MGST1: variants seen among roughly 807,000 people sequenced by gnomAD.
MGST1 encodes the protein microsomal glutathione S-transferase 1.
In MGST1, 5 loss-of-function variants were observed where a neutral mutation model predicts 8.9. The ratio of observed to expected loss-of-function variants is 0.56; its 90% CI spans 0.29 to 1.19. MGST1 has a LOEUF of 1.19. Ranked by LOEUF, MGST1 falls within the 50% of genes most tolerant of loss-of-function variation. The pLI, the probability that MGST1 is intolerant of heterozygous loss-of-function variation, is 0.08. For synonymous variants in MGST1, 54 were observed against 67.8 expected, an observed-to-expected ratio of 0.80 and a Z score of 1.00; for missense variants, 182 against 187.4, an observed-to-expected ratio of 0.97 and a Z score of 0.17.
chr12:16,447,975 T>G (rs1395005607), intron 4 of MGST1, among the ~76,000 whole-genome samples: 2 of 151,948 alleles, frequency 1.3e-5, no homozygotes, highest in Non-Finnish European at 2.9e-5. Flanking sequence ...CTGGACATCT[T>G]GTATGTTCTG....
chr12:16,441,956 C>T (rs576677477), downstream of MGST1, among the ~76,000 whole-genome samples: 1 of 151,934 alleles, frequency 6.6e-6, no homozygotes, highest in South Asian at 2.1e-4. Flanking sequence ...AGCAATGCTC[C>T]ACATCCCCAG....
At chr12:16,536,808 T>C (rs964669155) in intron 4 of MGST1, among the ~76,000 whole-genome samples, 5 of 152,156 alleles carry the variant, frequency 3.3e-5, no homozygotes, top group African/African-American at 1.2e-4. Context: ...ACCCTCATGA[T>C]TCAAATTATC....
downstream of MGST1, chr12:16,364,468 A>T (rs1591705260): frequency 3.3e-6 from 3 of 898,844 alleles, no homozygotes; most frequent in African/African-American, 5.4e-5. The surrounding 1 kb of genome is among the most constrained non-coding windows in gnomAD (Gnocchi z 5.7). Flanking sequence ...AACCTAGGGT[A>T]AAGTTGAAAA....
rs1257136404 is a variant in MGST1 at position 16,410,626 on chromosome 12, A to G, written n.779-26762A>G. 6.7e-6 allele frequency among the ~76,000 whole-genome samples: 1 copy of G among 148,166 alleles called. No homozygotes were observed. Among genetic ancestry groups the G allele is most frequent in the Non-Finnish European group, 1.5e-5 (1 of 67,216 alleles). ...TTATATATTACATATAAATATTAAT[A>G]TATGTATATGTAATACATATATTAT... On this transcript the variant is annotated intron_variant and non_coding_transcript_variant, in intron 1 of 1. Transcript: ENST00000359720. This position sits in a 1 kb window ranked among gnomAD's most constrained non-coding sequence, Gnocchi z 4.4.
chr12:16,375,534 C>A (rs1591710580), intron 3 of MGST1, among the ~76,000 whole-genome samples: 1 of 152,000 alleles, frequency 6.6e-6, no homozygotes, highest in East Asian at 1.9e-4. Context: ...ACAATCTTTT[C>A]AGTAATAGTA....
chr12:16,413,418 T>C lies in MGST1; in HGVS notation n.779-23970T>C, dbSNP rs1565449503. Among the ~76,000 whole-genome samples the C allele has an allele frequency of 6.6e-6, 1 of 152,194 alleles. No homozygotes were observed. Among genetic ancestry groups the C allele is most frequent in the Admixed American group, 6.5e-5 (1 of 15,274 alleles). On this transcript the variant is annotated intron_variant and non_coding_transcript_variant, in intron 1 of 1. Transcript: ENST00000359720. The surrounding 1 kb of genome is among the most constrained non-coding windows in gnomAD (Gnocchi z 4.0). ...GCTAACTCTCATCCAAGCAGCCCCATTGTGAACAGAACACTCAATTTTTAA... is the reference window on the plus strand; with the variant it reads ...GCTAACTCTCATCCAAGCAGCCCCACTGTGAACAGAACACTCAATTTTTAA...
chr12:16,383,651 G>A (rs1940478185), intron 1 of MGST1: 1 of 152,058 alleles, frequency 6.6e-6, no homozygotes, highest in Non-Finnish European at 1.5e-5. Flanking sequence ...AGTAGAGATG[G>A]GGTTTCTCAA....
rs1941520351 is a variant in MGST1 at position 16,503,808 on chromosome 12, C to T, written n.483-85720C>T. Among the ~76,000 whole-genome samples, 2 of 152,256 alleles carry T rather than the reference C, an allele frequency of 1.3e-5. No individual in the cohort carries two copies. The highest frequency in any genetic ancestry group is 1.3e-4 in the Admixed American group (2 of 15,284). ...GTTACCACCCTTTTTCTAGATATTT[C>T]TGTGTAATTTCCTCCTTAATTTGCA... On this transcript the variant is annotated intron_variant and non_coding_transcript_variant, in intron 4 of 4. Transcript: ENST00000538857. This position sits in a 1 kb window ranked among gnomAD's most constrained non-coding sequence, Gnocchi z 4.8.
rs184687123 is a variant in MGST1 at position 16,541,750 on chromosome 12, C to T, written n.483-47778C>T. 3.3e-5 allele frequency among the ~76,000 whole-genome samples: 5 copies of T among 152,024 alleles called. No individual in the cohort carries two copies. In the East Asian group the frequency reaches 5.8e-4, roughly 18 times the overall value. On this transcript the variant is annotated intron_variant and non_coding_transcript_variant, in intron 4 of 4. Transcript: ENST00000538857. ...AAGGAGAAGTGACGACATCATACTTCGGGCTTTTATAATGGACTCTGCAAA... is the reference window on the plus strand; with the variant it reads ...AAGGAGAAGTGACGACATCATACTTTGGGCTTTTATAATGGACTCTGCAAA...
At chr12:16,592,929 C>G (rs10846379), downstream of MGST1, among the ~76,000 whole-genome samples, 54,095 of 151,566 alleles carry the variant, frequency 0.36, 10,391 homozygotes, top group Non-Finnish European at 0.41. Context: ...TAACATTGTT[C>G]TAAAAGTTTT....
chr12:16,349,743 C>CT (rs760899357), intron 1 of MGST1, among the ~76,000 whole-genome samples: 13,123 of 127,352 alleles, frequency 0.1, 1,095 homozygotes, highest in African/African-American at 0.2. Context: ...CCCAGAGCTT[C>CT]TTTTTTTTTT....
chr12:16,522,611 C>T (rs552932052), intron 4 of MGST1, among the ~76,000 whole-genome samples: 2 of 152,142 alleles, frequency 1.3e-5, no homozygotes, highest in Non-Finnish European at 2.9e-5. Flanking sequence ...TGATGAAGTG[C>T]CTAGATGTGC....
At chr12:16,396,131 T>A (rs1486084883) in intron 1 of MGST1, among the ~76,000 whole-genome samples, 1 of 152,134 alleles carries the variant, frequency 6.6e-6, no homozygotes, top group African/African-American at 2.4e-5. Flanking sequence ...TTTTTTATTA[T>A]GGCCATTCTT....
downstream of MGST1, among the ~76,000 whole-genome samples, chr12:16,592,961 G>A (rs1943540681): frequency 6.6e-6 from 1 of 151,772 alleles, no homozygotes; most frequent in African/African-American, 2.4e-5. Flanking sequence ...GTAAAGTAAT[G>A]ACATCTAAAA....
chr12:16,357,611 G>A lies in MGST1; in HGVS notation c.133G>A (p.Ala45Thr). Residue 45 changes from alanine (A) to threonine (T), a missense_variant, in exon 3 of 4, where the codon GCC (alanine) becomes ACC (threonine). Coordinates refer to ENST00000396210, the MANE Select transcript of MGST1 (RefSeq NM_020300.5). ...AFYRLTRKVF[A>T]NPEDCVAFGK... Reference sequence around the variant, plus strand: ...TTTCTTGGTATTTGGATAGGTTTTTGCCAATCCAGAAGACTGTGTAGCATT... The same window carrying A: ...TTTCTTGGTATTTGGATAGGTTTTTACCAATCCAGAAGACTGTGTAGCATT... The A allele has an allele frequency of 6.2e-7, 1 of 1,610,754 alleles. No homozygotes were observed. The highest frequency in any genetic ancestry group is 1.3e-5 in the African/African-American group (1 of 74,740).
chr12:16,565,165 C>T (rs1230039909), intron 4 of MGST1, among the ~76,000 whole-genome samples: 1 of 152,094 alleles, frequency 6.6e-6, no homozygotes, highest in Non-Finnish European at 1.5e-5. Flanking sequence ...AGAATAACTA[C>T]AGATGAACAG....
At chr12:16,529,104 C>G (rs1392578409) in intron 4 of MGST1, among the ~76,000 whole-genome samples, 2 of 151,996 alleles carry the variant, frequency 1.3e-5, no homozygotes, top group Non-Finnish European at 2.9e-5. Context: ...GCACTCTTGG[C>G]TTTTCTGTAG....
intron 4 of MGST1, among the ~76,000 whole-genome samples, chr12:16,502,728 C>A (rs1941512468): frequency 6.6e-6 from 1 of 152,168 alleles, no homozygotes; most frequent in South Asian, 2.1e-4. Context: ...AAACAGCACC[C>A]TCCTCTCTTG....
chr12:16,536,118 T>TGTGTGTGTA (rs1941755881), intron 4 of MGST1, among the ~76,000 whole-genome samples: 1 of 136,986 alleles, frequency 7.3e-6, no homozygotes, highest in Admixed American at 7.5e-5. Context: ...TGTGTGTGTG[T>TGTGTGTGTA]CAGGTGAGGA....
Sources: allele counts gnomAD v4.1 joint callset (sites outside exome capture counted in the v4.1 genomes callset), GRCh38; gene constraint gnomAD v4.1.1; non-coding constraint Gnocchi (gnomAD v3.1); transcripts MANE v1.5; gene names NCBI Gene and HGNC (gene_info 2026-07-23, HGNC 2026-07-21).